SREK1IP1: variants seen among roughly 807,000 people sequenced by gnomAD.
The protein encoded by SREK1IP1 is SREK1 interacting protein 1.
A neutral mutation model predicts 22.8 loss-of-function variants in SREK1IP1; 12 were observed. The observed-to-expected ratio is 0.53, with a 90% CI of 0.34 to 0.85. The LOEUF is 0.85. Ranked by LOEUF, SREK1IP1 falls within the 40% of genes least tolerant of loss-of-function variation. SREK1IP1 has a pLI of 0.02. For synonymous variants in SREK1IP1, 53 were observed against 52.7 expected (o/e 1.01, Z -0.02); for missense variants, 147 against 171.8 (o/e 0.86, Z 0.81).
chr5:64,725,300 A>C lies in SREK1IP1; in HGVS notation c.279-727T>G, dbSNP rs566240710. On this transcript the variant is annotated intron_variant, in intron 4 of 4. Transcript: ENST00000513458. ...AAAAAAGGAAAAGAAAAAGAAAAAA[A>C]CAGAAAACCCTATCTTTTAAGATCT... is the stretch of plus-strand genomic sequence containing the variant. Among the ~76,000 whole-genome samples, 4 of 152,304 alleles carry C rather than the reference A, an allele frequency of 2.6e-5. No homozygotes were observed. The South Asian group carries it at 6.2e-4, about 24-fold the overall frequency.
intron 4 of SREK1IP1, 45 bp from the exon 5 acceptor site, chr5:64,724,618 GAT>G (rs776879166): frequency 7.3e-7 from 1 of 1,369,238 alleles, no homozygotes; most frequent in South Asian, 1.9e-5. Context: ...ATTTATGACT[GAT>G]AGATAAATTT....
chr5:64,734,745 T>C (rs1742431197), intron 3 of SREK1IP1, among the ~76,000 whole-genome samples: 1 of 152,128 alleles, frequency 6.6e-6, no homozygotes, highest in African/African-American at 2.4e-5. Flanking sequence ...AATTGATTTC[T>C]GCTAACTGAT....
At chr5:64,753,180 G>C (rs1405239778) in intron 2 of SREK1IP1, among the ~76,000 whole-genome samples, 2 of 152,288 alleles carry the variant, frequency 1.3e-5, no homozygotes, top group East Asian at 3.9e-4. Context: ...CAAGTATAGA[G>C]ACTGATATTA....
rs1034035396 is a variant in SREK1IP1 at position 64,732,127 on chromosome 5, T to C, written c.206-3948A>G. ...TTATGCCAACAGCTTTTTAGAAAAC[T>C]GGTCAATGCCATTTGTCCTGAAAAA... is the stretch of plus-strand genomic sequence containing the variant. On this transcript the variant is annotated intron_variant, in intron 3 of 4. Coordinates refer to ENST00000513458, the MANE Select transcript of SREK1IP1 (RefSeq NM_173829.4). Among the ~76,000 whole-genome samples, 51 of 152,310 alleles carry C rather than the reference T, an allele frequency of 3.3e-4. 1 individual carries two copies. In the South Asian group the frequency reaches 8.1e-3, roughly 24 times the overall value.
intron 3 of SREK1IP1, among the ~76,000 whole-genome samples, chr5:64,733,103 A>G (rs1234110478): frequency 6.6e-6 from 1 of 152,088 alleles, no homozygotes; most frequent in Non-Finnish European, 1.5e-5. Flanking sequence ...AAAAAAAAAG[A>G]GCATTTTTCA....
intron 3 of SREK1IP1, among the ~76,000 whole-genome samples, chr5:64,732,771 G>T (rs972054051): frequency 6.6e-6 from 1 of 152,104 alleles, no homozygotes; most frequent in African/African-American, 2.4e-5. Flanking sequence ...AAAGTGGGAA[G>T]AATTAGTATC....
chr5:64,725,987 T>TCC (rs1333503928), intron 4 of SREK1IP1, among the ~76,000 whole-genome samples: 1 of 150,434 alleles, frequency 6.6e-6, no homozygotes, highest in Non-Finnish European at 1.5e-5. Flanking sequence ...TGCCTCAGCC[T>TCC]CCCAAGTAGC....
intron 2 of SREK1IP1, among the ~76,000 whole-genome samples, chr5:64,746,947 T>C (rs1318929203): frequency 6.6e-6 from 1 of 152,182 alleles, no homozygotes; most frequent in East Asian, 1.9e-4. Flanking sequence ...CTAGAAAGGC[T>C]CACAGAACTC....
At chr5:64,737,463 T>C (rs1742483015) in intron 3 of SREK1IP1, among the ~76,000 whole-genome samples, 1 of 150,018 alleles carries the variant, frequency 6.7e-6, no homozygotes, top group Non-Finnish European at 1.5e-5. Flanking sequence ...TGATAAATGA[T>C]TTTATTAAGA....
intron 1 of SREK1IP1, among the ~76,000 whole-genome samples, chr5:64,761,465 T>C (rs1403051123): frequency 6.6e-6 from 1 of 152,198 alleles, no homozygotes; most frequent in Non-Finnish European, 1.5e-5. Flanking sequence ...CTGGGTGATA[T>C]AGCCTGCTAT....
intron 2 of SREK1IP1, among the ~76,000 whole-genome samples, chr5:64,752,095 A>G (rs1742751858): frequency 1.3e-5 from 2 of 151,152 alleles, no homozygotes; most frequent in Admixed American, 1.3e-4. Context: ...AATAAATTCT[A>G]ATAAAAACTC....
chr5:64,742,935 A>C (rs914303925), intron 2 of SREK1IP1, among the ~76,000 whole-genome samples: 5 of 152,180 alleles, frequency 3.3e-5, no homozygotes, highest in African/African-American at 1.2e-4. Flanking sequence ...TAACAAATGA[A>C]TCATTCAGAA....
In SREK1IP1 at chr5:64,728,168, CTTCA is replaced by C. The variant is rs1333551788; in HGVS notation, c.213_216del (p.Asn71LysfsTer16). ...CTTTTTTCTTTCTTCTTTTCCTCTT[CTTCA>C]TTTATTCCTGTGGGGGAGAGGTGAG... On this transcript the variant is annotated frameshift_variant, in exon 4 of 5. Coordinates refer to ENST00000513458, the MANE Select transcript of SREK1IP1 (RefSeq NM_173829.4). LOFTEE classifies it high-confidence loss of function. The C allele has an allele frequency of 7.3e-7, 1 of 1,368,632 alleles. No individual in the cohort carries two copies. Among genetic ancestry groups the C allele is most frequent in the East Asian group, 2.9e-5 (1 of 33,924 alleles). The allele number at this position is 1,368,632 out of a possible 1,614,324, so 84.8% of individuals were successfully genotyped here. A position where few individuals can be genotyped will look rare whatever the true frequency, so the allele number is the denominator to read the frequency against.
intron 3 of SREK1IP1, among the ~76,000 whole-genome samples, chr5:64,740,321 C>T (rs995565239): frequency 2.0e-5 from 3 of 152,078 alleles, no homozygotes; most frequent in Admixed American, 6.6e-5. Flanking sequence ...TTATCATTTA[C>T]ATCCTTTTAG....
chr5:64,725,636 T>C (rs940593301), intron 4 of SREK1IP1, among the ~76,000 whole-genome samples: 1 of 152,170 alleles, frequency 6.6e-6, no homozygotes, highest in African/African-American at 2.4e-5. Context: ...TCCTTTTTCC[T>C]CCTTGTTTGT....
intron 4 of SREK1IP1, chr5:64,727,530 CATATATATATAT>C (rs370322604): frequency 1.7e-5 from 2 of 117,484 alleles, no homozygotes; most frequent in Non-Finnish European, 3.2e-5. Context: ...CATATAATTA[CATATATATATAT>C]ATATATATAT....
rs973778681 is a variant in SREK1IP1, at chr5:64,722,546, C to T, written c.*1838G>A. The stretch of plus-strand genomic sequence containing the variant: ...AACACCACTGCACTTGTGCCAGCCT[C>T]GTTTTTAAAAAAGCTTTATATTAAA... On this transcript the variant is annotated 3_prime_UTR_variant, in exon 5 of 5. Coordinates refer to ENST00000513458, the MANE Select transcript of SREK1IP1 (RefSeq NM_173829.4). The T allele has an allele frequency of 1.3e-5, 2 of 152,052 alleles. No individual in the cohort carries two copies. Among genetic ancestry groups the T allele is most frequent in the African/African-American group, 4.8e-5 (2 of 41,416 alleles). 9.4% of individuals were successfully genotyped at this position (152,052 alleles called of 1,614,324 possible).
Position 64,768,670 on chromosome 5 carries a change from A to C in SREK1IP1, c.-153T>G, listed in dbSNP as rs1580566213. On this transcript the variant is annotated 5_prime_UTR_variant, in exon 1 of 5. Transcript: ENST00000513458. ...GGTCGGGAAGGGCCTGTACGCCTCT[A>C]GCGACGGCAGAACCAGTAGATGCGG... 2.0e-6 allele frequency: 2 copies of C among 979,798 alleles called. No individual in the cohort carries two copies. Among genetic ancestry groups the C allele is most frequent in the East Asian group, 2.5e-5 (1 of 39,320 alleles). The allele number at this position is 979,798 out of a possible 1,614,324, so 60.7% of individuals were successfully genotyped here. A position where few individuals can be genotyped will look rare whatever the true frequency, so the allele number is the denominator to read the frequency against.
chr5:64,731,521 CAAAAA>C (rs10599290), intron 3 of SREK1IP1, among the ~76,000 whole-genome samples: 3 of 74,626 alleles, frequency 4.0e-5, no homozygotes, highest in Non-Finnish European at 6.1e-5. Flanking sequence ...GCCCTTGTCT[CAAAAA>C]AAAAAAAAAA....
Sources: gnomAD v4.1 joint callset for allele counts (sites outside exome capture counted in the v4.1 genomes callset) on GRCh38, gnomAD v4.1.1 for gene constraint, MANE v1.5 for transcripts, NCBI Gene and HGNC (gene_info 2026-07-23, HGNC 2026-07-21) for gene names.